Variants in NFE2L1 observed in about 807,000 individuals in gnomAD.
The protein encoded by NFE2L1 is NFE2 like bZIP transcription factor 1, also known as endoplasmic reticulum membrane sensor NFE2L1.
NFE2L1 carries 18 observed loss-of-function variants against 61.6 expected under a neutral mutation model. That is an observed-to-expected ratio of 0.29 (90% confidence interval 0.20 to 0.43). The LOEUF (loss-of-function observed/expected upper bound fraction) is 0.43, where lower values mean the gene tolerates loss of function less well. Ranked by LOEUF, NFE2L1 falls within the 20% of genes least tolerant of loss-of-function variation. The pLI, the probability that NFE2L1 is intolerant of heterozygous loss-of-function variation, is 1.00. For missense variants in NFE2L1, 827 were observed against 973.5 expected (o/e 0.85, Z 2.00); for synonymous variants, 419 against 402.7 (o/e 1.04, Z -0.48).
intron 2 of NFE2L1, among the ~76,000 whole-genome samples, 173 bp downstream of exon 2, chr17:48,051,801 TG>T (rs1441305966): frequency 6.6e-6 from 1 of 152,128 alleles, no homozygotes; most frequent in African/African-American, 2.4e-5. Context: ...GATTGGGGGC[TG>T]GGAGCATTTC....
chr17:48,055,207 G>GT, intron 2 of NFE2L1: 1 of 1,286,684 alleles, frequency 7.8e-7, no homozygotes, highest in Non-Finnish European at 9.8e-7. Flanking sequence ...GGGTCAGGGG[G>GT]GGTTAATGGG....
In NFE2L1 at chr17:48,059,891, G is replaced by GC; in HGVS notation, c.*251dup. 2.0e-6 allele frequency: 1 copy of GC among 493,726 alleles called. No individual in the cohort carries two copies. Among genetic ancestry groups the GC allele is most frequent in the Non-Finnish European group, 3.5e-6 (1 of 287,542 alleles). The allele number at this position is 493,726 out of a possible 1,614,324, so 30.6% of individuals were successfully genotyped here. On this transcript the variant is annotated 3_prime_UTR_variant, in exon 6 of 6. Coordinates refer to ENST00000362042, the MANE Select transcript of NFE2L1 (RefSeq NM_003204.3). The surrounding 1 kb of genome is among the most constrained non-coding windows in gnomAD (Gnocchi z 6.1). ...CCTCACCCTACCCCTTTCCTGTGAG[G>GC]CAGGGGTGGTGGTGGAGTTGCTGGA...
chr17:48,055,084 C>T, intron 2 of NFE2L1: 1 of 1,474,060 alleles, frequency 6.8e-7, no homozygotes, highest in South Asian at 1.3e-5. Flanking sequence ...GGCCCCTTAA[C>T]TCTTTGCTGG....
At chr17:48,055,835 G>A (rs1023556599) in intron 2 of NFE2L1, 4 of 159,438 alleles carry the variant, frequency 2.5e-5, no homozygotes, top group Admixed American at 2.4e-4. Flanking sequence ...AGACAGCATG[G>A]CGTTGTCATT....
At chr17:48,056,890 T>G in intron 3 of NFE2L1, 142 bp from the exon 4 acceptor site, 1 of 820,262 alleles carries the variant, frequency 1.2e-6, no homozygotes, top group Non-Finnish European at 1.9e-6. Context: ...TTCTGTTGTT[T>G]CTGGGAGTTT....
At chr17:48,055,208 G>T (rs2037368900) in intron 2 of NFE2L1, 42 of 1,285,618 alleles carry the variant, frequency 3.3e-5, no homozygotes, top group Admixed American at 1.2e-4. Context: ...GGTCAGGGGG[G>T]GTTAATGGGA....
intron 2 of NFE2L1, among the ~76,000 whole-genome samples, chr17:48,052,545 T>A (rs1224812155): frequency 1.1e-4 from 16 of 152,208 alleles, no homozygotes; most frequent in Admixed American, 1.0e-3. Context: ...TTACAGATGT[T>A]ACAGAAATGG....
chr17:48,052,171 T>G (rs2037269707), intron 2 of NFE2L1, among the ~76,000 whole-genome samples: 1 of 152,146 alleles, frequency 6.6e-6, no homozygotes, highest in Admixed American at 6.5e-5. Context: ...TTCCAATCTT[T>G]GCAAAAGGCC....
At chr17:48,053,137 G>A (rs2037298524) in intron 2 of NFE2L1, among the ~76,000 whole-genome samples, 1 of 152,146 alleles carries the variant, frequency 6.6e-6, no homozygotes. Context: ...CCAGGGGTGG[G>A]TGTAACTGGG....
Position 48,057,423 on chromosome 17 carries a change from C to T in NFE2L1, c.893C>T (p.Ser298Phe). ...EPPALQNNLL[S>F]PLLTGTESPF... ...CCTGCTCTTCAAAACAACCTCTTGTCTCCTCTTCTGACCGGGACAGAGTCA... is the reference window on the plus strand; with the variant it reads ...CCTGCTCTTCAAAACAACCTCTTGTTTCCTCTTCTGACCGGGACAGAGTCA... The change falls in exon 5 of 6, where the codon TCT (serine) becomes TTT (phenylalanine). Residue 298 changes from serine to phenylalanine, a missense_variant. Ser to Phe is a radical substitution (Grantham distance 155, BLOSUM62 -2). Around this residue, in one of 3 missense-constraint regions of NFE2L1, gnomAD observed 667 missense variants for 748.4 expected, o/e 0.89. Coordinates refer to ENST00000362042, the MANE Select transcript of NFE2L1 (RefSeq NM_003204.3). The T allele has an allele frequency of 1.9e-6, 3 of 1,614,224 alleles. No individual in the cohort carries two copies. The highest frequency in any genetic ancestry group is 1.1e-5 in the South Asian group (1 of 91,092).
Position 48,057,039 on chromosome 17 carries a change from G to T in NFE2L1, c.731G>T (p.Ser244Ile). Residue 244 changes from serine (S) to isoleucine (I), a missense_variant, in exon 4 of 6, where the codon AGT becomes ATT. Around this residue, in one of 3 missense-constraint regions of NFE2L1, gnomAD observed 667 missense variants for 748.4 expected, o/e 0.89. Transcript: ENST00000362042. ...CAGTTCCTGTTGCCACAGGTGCCTA[G>T]TGGGGAGGACCAGACGGCCCTGTCC... is the stretch of plus-strand genomic sequence containing the variant. ...TGESFPAQVP[S>I]GEDQTALSLE... 2 of 1,614,136 alleles carry T rather than the reference G, an allele frequency of 1.2e-6. No individual in the cohort carries two copies. The highest frequency in any genetic ancestry group is 1.7e-6 in the Non-Finnish European group (2 of 1,180,012).
chr17:48,048,412 A>T lies in NFE2L1; in HGVS notation c.-563A>T. 6.6e-6 allele frequency: 1 copy of T among 152,176 alleles called. No individual in the cohort carries two copies. The allele number at this position is 152,176 out of a possible 1,614,324, so 9.4% of individuals were successfully genotyped here. On this transcript the variant is annotated 5_prime_UTR_variant, in exon 1 of 6. Transcript: ENST00000362042. ...CGGCGGTGGCGGCGGCGAGGCCGGGACTCGGGCTTAGGGCCTGCTGTGGAG... is the reference window on the plus strand; with the variant it reads ...CGGCGGTGGCGGCGGCGAGGCCGGGTCTCGGGCTTAGGGCCTGCTGTGGAG...
rs2037543305 is a variant in NFE2L1, at chr17:48,061,302, C to CAGTT, written c.*1664_*1667dup. ...GGGGGTGGGGGGAAGCACTGATTCC[C>CAGTT]AGTTAGGGGGTGCCTAACTGAGCAG... On this transcript the variant is annotated 3_prime_UTR_variant, in exon 6 of 6. Coordinates refer to ENST00000362042, the MANE Select transcript of NFE2L1 (RefSeq NM_003204.3). The CAGTT allele has an allele frequency of 6.6e-6, 1 of 152,204 alleles. No homozygotes were observed. The highest frequency in any genetic ancestry group is 1.5e-5 in the Non-Finnish European group (1 of 68,032). 9.4% of individuals were successfully genotyped at this position (152,204 alleles called of 1,614,324 possible). A position where few individuals can be genotyped will look rare whatever the true frequency, so the allele number is the denominator to read the frequency against.
chr17:48,059,729 A>T lies in NFE2L1; in HGVS notation c.*88A>T. On this transcript the variant is annotated 3_prime_UTR_variant, in exon 6 of 6. Transcript: ENST00000362042. This position sits in a 1 kb window ranked among gnomAD's most constrained non-coding sequence, Gnocchi z 6.1. ...ACCTGGACCTGGACCTACAGCGGGG[A>T]CTTAAATGCCTTCTTATCCAATATA... 1 of 1,474,386 alleles carries T rather than the reference A, an allele frequency of 6.8e-7. No homozygotes were observed. Among genetic ancestry groups the T allele is most frequent in the East Asian group, 2.3e-5 (1 of 42,870 alleles). 91.3% of individuals were successfully genotyped at this position (1,474,386 alleles called of 1,614,324 possible). A position where few individuals can be genotyped will look rare whatever the true frequency, so the allele number is the denominator to read the frequency against.
In NFE2L1 at chr17:48,058,339, C is replaced by G. The variant is rs748321927; in HGVS notation, c.1017C>G (p.Ala339=). ...CAGCAAGTGAAATCCTGTACAGTGC[C>G]CCTCCTGGAGACCCACTGAGCACCA... is the stretch of plus-strand genomic sequence containing the variant. The part of the protein sequence containing the change: ...NTSASEILYS[A]PPGDPLSTNY... Residue 339 remains alanine, a synonymous_variant, in exon 6 of 6, where the codon GCC becomes GCG. Transcript: ENST00000362042. 1 of 1,612,152 alleles carries G rather than the reference C, an allele frequency of 6.2e-7. No homozygotes were observed.
chr17:48,051,272 C>T lies in NFE2L1; in HGVS notation c.154C>T (p.Gln52Ter), dbSNP rs1235142144. ...IILGPSSAYTQTQFHNLRNTL... is the reference protein window; with the variant it reads ...IILGPSSAYT ...CCTGGGGCCCAGTTCTGCCTATACT[C>T]AGACCCAGTTCCACAACCTGAGGAA... The change falls in exon 2 of 6, where the codon CAG (glutamine) becomes TAG (stop). Residue 52 changes from glutamine to a stop codon, truncating the protein, a stop_gained. Transcript: ENST00000362042. LOFTEE classifies it high-confidence loss of function. 1 of 1,614,182 alleles carries T rather than the reference C, an allele frequency of 6.2e-7. No individual in the cohort carries two copies. Among genetic ancestry groups the T allele is most frequent in the Non-Finnish European group, 8.5e-7 (1 of 1,180,034 alleles).
At chr17:48,054,550 G>T in intron 2 of NFE2L1, 1 of 1,204,398 alleles carries the variant, frequency 8.3e-7, no homozygotes, top group Non-Finnish European at 1.0e-6. Flanking sequence ...CCCAGCTGCT[G>T]ACCTGGGGGA....
In NFE2L1 at chr17:48,058,795, C is replaced by A; in HGVS notation, c.1473C>A (p.Ser491Arg). 6.2e-7 allele frequency: 1 copy of A among 1,614,186 alleles called. No individual in the cohort carries two copies. The highest frequency in any genetic ancestry group is 8.5e-7 in the Non-Finnish European group (1 of 1,180,040). ...CGAGCCATAGCCCTTCTTCCCTAAGCAGCTCTGAAGGCAGTTCTTCCTCTT... is the reference window on the plus strand; with the variant it reads ...CGAGCCATAGCCCTTCTTCCCTAAGAAGCTCTGAAGGCAGTTCTTCCTCTT... The part of the protein sequence containing the change: ...LDSSHSPSSL[S>R]SSEGSSSSSS... The change falls in exon 6 of 6, where the codon AGC becomes AGA. Residue 491 changes from serine to arginine, a missense_variant. This residue lies in a region of NFE2L1 where 667 missense variants were observed against 748.4 expected (regional missense o/e 0.89). Transcript: ENST00000362042.
At chr17:48,052,578 A>T (rs1022086136) in intron 2 of NFE2L1, among the ~76,000 whole-genome samples, 1 of 152,200 alleles carries the variant, frequency 6.6e-6, no homozygotes, top group Non-Finnish European at 1.5e-5. Flanking sequence ...GCCAGGTCAG[A>T]CCACGTTTTC....
Sources: allele counts gnomAD v4.1 joint callset (sites outside exome capture counted in the v4.1 genomes callset), GRCh38; gene constraint gnomAD v4.1.1; regional missense constraint gnomAD v4.1.1; non-coding constraint Gnocchi (gnomAD v3.1); transcripts MANE v1.5; gene names NCBI Gene and HGNC (gene_info 2026-07-23, HGNC 2026-07-21).